The following PCOLCE2 variants were observed in gnomAD, a reference collection of about 807,000 sequenced individuals.
The protein encoded by PCOLCE2 is procollagen C-proteinase enhancer 2.
A neutral mutation model predicts 47.0 loss-of-function variants in PCOLCE2; 42 were observed. The ratio of observed to expected loss-of-function variants is 0.89; its 90% CI spans 0.70 to 1.16. The LOEUF is 1.16. Among genes scored for constraint, PCOLCE2 ranks in the 50% most tolerant of loss-of-function variants. The probability of loss-of-function intolerance (pLI) is 0.00; values close to 1 mark genes in which losing one functional copy is unlikely to be tolerated. For synonymous variants in PCOLCE2, 169 were observed against 191.7 expected, an observed-to-expected ratio of 0.88 and a Z score of 0.98; for missense variants, 500 against 526.1, an observed-to-expected ratio of 0.95 and a Z score of 0.49.
At chr3:142,868,262 T>C (rs1039211921) in intron 2 of PCOLCE2, among the ~76,000 whole-genome samples, 5 of 152,060 alleles carry the variant, frequency 3.3e-5, no homozygotes, top group Admixed American at 3.3e-4. Flanking sequence ...TTAATAGTAA[T>C]ATACACAGTC....
chr3:142,854,204 A>C (rs1300031932), intron 2 of PCOLCE2, among the ~76,000 whole-genome samples: 1 of 87,944 alleles, frequency 1.1e-5, no homozygotes. Context: ...CTGTTTTTGC[A>C]GCACGTGATT....
intron 3 of PCOLCE2, among the ~76,000 whole-genome samples, chr3:142,845,843 C>T (rs1291009560): frequency 1.2e-4 from 18 of 152,162 alleles, no homozygotes; most frequent in African/African-American, 3.9e-4. Context: ...GGCATGGTGG[C>T]GCATGCCTGT....
At position 142,842,693 on chromosome 3, in the gene PCOLCE2, C is replaced by T. The variant is rs1013483730; in HGVS notation, c.573+231G>A. 1.3e-5 allele frequency among the ~76,000 whole-genome samples: 2 copies of T among 151,306 alleles called. No homozygotes were observed. Among genetic ancestry groups the T allele is most frequent in the Non-Finnish European group, 2.9e-5 (2 of 67,932 alleles). On this transcript the variant is annotated intron_variant, in intron 4 of 8. Coordinates refer to ENST00000295992, the MANE Select transcript of PCOLCE2 (RefSeq NM_013363.4). This position sits in a 1 kb window ranked among gnomAD's most constrained non-coding sequence, Gnocchi z 4.1. The stretch of plus-strand genomic sequence containing the variant: ...GGTGGAGGTTGCGGTGAGCTGAGAT[C>T]GCACCATTGCACTCCAGACAGGGCG...
In PCOLCE2 at chr3:142,836,649, T is replaced by C. The variant is rs561011502; in HGVS notation, c.710+2121A>G. 8.5e-5 allele frequency among the ~76,000 whole-genome samples: 13 copies of C among 152,362 alleles called. No individual in the cohort carries two copies. In the South Asian group the frequency reaches 2.3e-3, roughly 27 times the overall value. On this transcript the variant is annotated intron_variant, in intron 5 of 8. Coordinates refer to ENST00000295992, the MANE Select transcript of PCOLCE2 (RefSeq NM_013363.4). ...GAAAATGAAGCTTGAAATTACTTTT[T>C]AAAGGTATTTGGATATGAAGAGGAG...
intron 3 of PCOLCE2, among the ~76,000 whole-genome samples, chr3:142,847,674 C>T (rs367640941): frequency 6.6e-6 from 1 of 152,116 alleles, no homozygotes. Context: ...GTAGCTGGGA[C>T]AACAGGTGTG....
chr3:142,840,323 T>C (rs901821880), intron 4 of PCOLCE2, among the ~76,000 whole-genome samples: 4 of 152,178 alleles, frequency 2.6e-5, no homozygotes, highest in Admixed American at 2.6e-4. Context: ...CAATCAATCA[T>C]TCCCCATACA....
At chr3:142,861,403 C>T (rs1933180841) in intron 2 of PCOLCE2, among the ~76,000 whole-genome samples, 1 of 152,200 alleles carries the variant, frequency 6.6e-6, no homozygotes, top group Non-Finnish European at 1.5e-5. Context: ...ACTTCCCTGA[C>T]AGGATTCTCT....
At chr3:142,855,929 GT>G (rs1176293804) in intron 2 of PCOLCE2, among the ~76,000 whole-genome samples, 1 of 152,156 alleles carries the variant, frequency 6.6e-6, no homozygotes, top group Non-Finnish European at 1.5e-5. Context: ...GAAGTTGTTT[GT>G]TAGAGCAGTT....
intron 5 of PCOLCE2, among the ~76,000 whole-genome samples, chr3:142,831,235 C>T (rs1162934038): frequency 2.6e-5 from 4 of 152,188 alleles, no homozygotes; most frequent in African/African-American, 4.8e-5. Flanking sequence ...CATCCATTCA[C>T]AGATTAATGG....
intron 5 of PCOLCE2, among the ~76,000 whole-genome samples, chr3:142,835,948 A>C (rs1433644031): frequency 1.3e-5 from 2 of 152,148 alleles, no homozygotes; most frequent in Non-Finnish European, 2.9e-5. Context: ...CTGCTTTGTC[A>C]TGCTTTTGAA....
At chr3:142,879,422 G>A (rs918602473) in intron 2 of PCOLCE2, among the ~76,000 whole-genome samples, 2 of 151,990 alleles carry the variant, frequency 1.3e-5, no homozygotes, top group Admixed American at 6.6e-5. Context: ...CTTGATTTCC[G>A]TGTGAAAGAG....
intron 4 of PCOLCE2, among the ~76,000 whole-genome samples, chr3:142,840,598 C>G (rs1325649862): frequency 6.6e-6 from 1 of 152,200 alleles, no homozygotes; most frequent in Non-Finnish European, 1.5e-5. Context: ...TTCCACACAT[C>G]TTTGGACTGA....
chr3:142,840,841 C>T (rs889208912), intron 4 of PCOLCE2, among the ~76,000 whole-genome samples: 27 of 151,906 alleles, frequency 1.8e-4, no homozygotes, highest in Admixed American at 1.4e-3. Flanking sequence ...TTTGGGAGGC[C>T]GAGGCAGGCA....
chr3:142,886,824 T>C (rs1933724784), intron 2 of PCOLCE2, among the ~76,000 whole-genome samples: 1 of 152,216 alleles, frequency 6.6e-6, no homozygotes, highest in Non-Finnish European at 1.5e-5. Context: ...CTTGGCATGG[T>C]AAATGCCTGG....
At chr3:142,845,721 C>G (rs1292940182) in intron 3 of PCOLCE2, among the ~76,000 whole-genome samples, 4 of 152,158 alleles carry the variant, frequency 2.6e-5, no homozygotes, top group African/African-American at 9.7e-5. Context: ...CACCTGTAAT[C>G]CTAACACTTT....
intron 2 of PCOLCE2, among the ~76,000 whole-genome samples, chr3:142,863,402 A>G (rs1933220068): frequency 1.3e-5 from 2 of 152,240 alleles, no homozygotes; most frequent in Non-Finnish European, 2.9e-5. Context: ...TTTGAGCTGA[A>G]TGTTGCAATA....
intron 4 of PCOLCE2, among the ~76,000 whole-genome samples, chr3:142,840,156 C>T (rs554780033): frequency 2.0e-5 from 3 of 152,164 alleles, no homozygotes; most frequent in Admixed American, 6.5e-5. Flanking sequence ...ATACCGTGCA[C>T]GGCCTAATCA....
chr3:142,871,385 G>A (rs1933384147), intron 2 of PCOLCE2, among the ~76,000 whole-genome samples: 1 of 152,068 alleles, frequency 6.6e-6, no homozygotes, highest in Non-Finnish European at 1.5e-5. Context: ...ACACCTTATG[G>A]CACTCCTCTG....
intron 2 of PCOLCE2, among the ~76,000 whole-genome samples, chr3:142,865,895 A>G (rs1210334272): frequency 6.6e-6 from 1 of 152,230 alleles, no homozygotes; most frequent in Non-Finnish European, 1.5e-5. Context: ...GTTGTTAAGT[A>G]TCACCATAAT....
Sources: allele counts gnomAD v4.1 joint callset (sites outside exome capture counted in the v4.1 genomes callset), GRCh38; gene constraint gnomAD v4.1.1; non-coding constraint Gnocchi (gnomAD v3.1); transcripts MANE v1.5; gene names NCBI Gene and HGNC (gene_info 2026-07-23, HGNC 2026-07-21).